The following NLRP13 variants were observed in gnomAD, a reference collection of about 807,000 sequenced individuals.
The protein encoded by NLRP13 is NLR family pyrin domain containing 13.
In NLRP13, 82 loss-of-function variants were observed where a neutral mutation model predicts 94.4. The ratio of observed to expected loss-of-function variants is 0.87; its 90% confidence interval spans 0.73 to 1.04. The LOEUF (loss-of-function observed/expected upper bound fraction) is 1.04. Among genes scored for constraint, NLRP13 ranks in the 50% least tolerant of loss-of-function variants. The probability of loss-of-function intolerance (pLI) is 0.00; values close to 1 mark genes in which losing one functional copy is unlikely to be tolerated. For missense variants in NLRP13, 1,426 were observed against 1,230.8 expected (o/e 1.16, Z -2.37); for synonymous variants, 553 against 464.7 (o/e 1.19, Z -2.45).
intron 6 of NLRP13, among the ~76,000 whole-genome samples, chr19:55,908,739 A>G (rs1412590096): frequency 2.0e-5 from 3 of 152,204 alleles, no homozygotes; most frequent in Admixed American, 6.5e-5. Flanking sequence ...ACATGGACAC[A>G]TAGTGAGGAA....
downstream of NLRP13, among the ~76,000 whole-genome samples, chr19:55,893,433 T>A (rs965806332): frequency 3.9e-5 from 6 of 152,120 alleles, no homozygotes; most frequent in African/African-American, 1.4e-4. Flanking sequence ...AACCACTGCA[T>A]TAAAAGTAAT....
chr19:55,906,718 AC>A lies in NLRP13; in HGVS notation c.2447+1073del, dbSNP rs1397413968. ...ACCTATCACAGAGGCCCCGAGACAG[AC>A]CGTTACTCTTTGAAAGAGTGATCTG... On this transcript the variant is annotated intron_variant, in intron 7 of 10. Transcript: ENST00000342929. Among the ~76,000 whole-genome samples, 15 of 150,564 alleles carry A rather than the reference AC, an allele frequency of 1.0e-4. No homozygotes were observed. In the South Asian group the frequency reaches 3.2e-3, roughly 32 times the overall value.
Position 55,907,883 on chromosome 19 carries a change from G to A in NLRP13, c.2356C>T (p.His786Tyr). 9.3e-6 allele frequency: 15 copies of A among 1,613,690 alleles called. No individual in the cohort carries two copies. The highest frequency in any genetic ancestry group is 1.3e-5 in the Non-Finnish European group (15 of 1,179,754). The stretch of plus-strand genomic sequence containing the variant: ...AGCTTGTTAGAGCTGAAGTTCAGAT[G>A]GGTCAGCTTGCTGTTACCCTGAAGG... ...IALQGNSKLT[H>Y]LNFSSNKLGM... Residue 786 changes from histidine (H) to tyrosine (Y), a missense_variant, in exon 7 of 11, where the codon CAT (histidine) becomes TAT (tyrosine). His to Tyr is a moderately conservative substitution (Grantham distance 83). Transcript: ENST00000342929.
chr19:55,898,432 G>C (rs773939816), intron 10 of NLRP13, among the ~76,000 whole-genome samples: 10 of 151,778 alleles, frequency 6.6e-5, no homozygotes, highest in Admixed American at 3.9e-4. Context: ...CTTGTCTTGA[G>C]CTCCTGACCT....
At position 55,912,104 on chromosome 19, in the gene NLRP13, T is replaced by C. The variant is rs1301442339; in HGVS notation, c.1713A>G (p.Gln571=). Reference sequence around the variant, plus strand: ...AGGCTTCTTTGTCAAGCAAGACGTGTTGCAGTAACATCTTCATCTCTTGTG... The same window carrying C: ...AGGCTTCTTTGTCAAGCAAGACGTGCTGCAGTAACATCTTCATCTCTTGTG... ...TKPQEMKMLL[Q]HVLLDKEAYW... is the part of the protein sequence containing the mutation. Residue 571 remains glutamine (Q), a synonymous_variant, in exon 5 of 11, where the codon CAA becomes CAG. Coordinates refer to ENST00000342929, the MANE Select transcript of NLRP13 (RefSeq NM_176810.2). The C allele has an allele frequency of 1.9e-6, 3 of 1,614,092 alleles. No individual in the cohort carries two copies. The African/African-American group carries it at 4.0e-5, about 22-fold the overall frequency.
rs1173352809 is a variant in NLRP13, at chr19:55,907,952, T to G, written c.2287A>C (p.Lys763Gln). The G allele has an allele frequency of 1.3e-6, 2 of 1,594,518 alleles. No individual in the cohort carries two copies. The highest frequency in any genetic ancestry group is 1.7e-6 in the Non-Finnish European group (2 of 1,167,364). ...PRCKVQKLTC[K>Q]SVTPEWVLQD... is the part of the protein sequence containing the mutation. ...AGAACCCACTCAGGAGTTACCGATT[T>G]GCACCTGAGGAAGGGAAGGGACATG... Residue 763 changes from lysine to glutamine, a missense_variant, in exon 7 of 11, where the codon AAA becomes CAA. Physicochemically the swap from Lys to Gln is moderately conservative, Grantham distance 53 (BLOSUM62 1). Transcript: ENST00000342929.
intron 8 of NLRP13, among the ~76,000 whole-genome samples, chr19:55,903,558 C>T (rs1429729967): frequency 6.6e-6 from 1 of 152,128 alleles, no homozygotes; most frequent in Non-Finnish European, 1.5e-5. Flanking sequence ...GCAGTCCTGC[C>T]TACAACGGCT....
intron 7 of NLRP13, among the ~76,000 whole-genome samples, chr19:55,907,290 G>A (rs1986381532): frequency 6.6e-6 from 1 of 150,520 alleles, no homozygotes; most frequent in African/African-American, 2.5e-5. Context: ...CCACTAGGTT[G>A]GGCCGGGCAC....
At position 55,932,146 on chromosome 19, in the gene NLRP13, G is replaced by A; in HGVS notation, c.166C>T (p.Pro56Ser). 1 of 1,614,156 alleles carries A rather than the reference G, an allele frequency of 6.2e-7. No individual in the cohort carries two copies. Among genetic ancestry groups the A allele is most frequent in the Non-Finnish European group, 8.5e-7 (1 of 1,180,040 alleles). The change falls in exon 1 of 11, where the codon CCC becomes TCC. Residue 56 changes from proline to serine, a missense_variant. By Grantham distance (74) the Pro-to-Ser change is moderately conservative. Coordinates refer to ENST00000342929, the MANE Select transcript of NLRP13 (RefSeq NM_176810.2). ...SAPQGHFPRIPWANLRAADPL... is the reference protein window; with the variant it reads ...SAPQGHFPRISWANLRAADPL... ...TCGGCAGCTCTCAAGTTTGCCCAGG[G>A]GATACGCGGGAAGTGCCCCTGGGGG...
intron 10 of NLRP13, 134 bp downstream of exon 10, chr19:55,898,636 C>T (rs983020496): frequency 7.2e-6 from 7 of 967,642 alleles, no homozygotes; most frequent in African/African-American, 6.6e-5. Flanking sequence ...TGAGCCACCA[C>T]ACCTGGGTGA....
At chr19:55,902,287 TC>T in intron 8 of NLRP13, 82 bp from the exon 9 acceptor site, 1 of 1,104,562 alleles carries the variant, frequency 9.1e-7, no homozygotes, top group Non-Finnish European at 1.2e-6. Context: ...CAGGGCCCCC[TC>T]CGAGCCTACA....
intron 9 of NLRP13, among the ~76,000 whole-genome samples, chr19:55,901,351 C>G (rs1986166584): frequency 6.6e-6 from 1 of 152,162 alleles, no homozygotes; most frequent in Non-Finnish European, 1.5e-5. Flanking sequence ...CTCAACTAGA[C>G]CTGATTGGCT....
intron 1 of NLRP13, among the ~76,000 whole-genome samples, chr19:55,931,470 A>AGGTC (rs1285519772): frequency 6.6e-6 from 1 of 151,886 alleles, no homozygotes; most frequent in Non-Finnish European, 1.5e-5. Flanking sequence ...GTGCTTTGGG[A>AGGTC]GGTCGAGGCG....
In NLRP13 at chr19:55,898,206, G is replaced by GTTTTTT. The variant is rs67273235; in HGVS notation, c.2957+563_2957+564insAAAAAA. Reference sequence around the variant, plus strand: ...ATCTAGCAGGAGAGTTTTTGTTTTTGTTTTTGTTTTTTTTTTTTTTGAGAT... The same window carrying GTTTTTT: ...ATCTAGCAGGAGAGTTTTTGTTTTTGTTTTTTTTTTTGTTTTTTTTTTTTTTGAGAT... On this transcript the variant is annotated intron_variant, in intron 10 of 10. Coordinates refer to ENST00000342929, the MANE Select transcript of NLRP13 (RefSeq NM_176810.2). 3.3e-3 allele frequency among the ~76,000 whole-genome samples: 66 copies of GTTTTTT among 20,032 alleles called. 2 individuals are homozygous for GTTTTTT. Among genetic ancestry groups the GTTTTTT allele is most frequent in the East Asian group, 0.013 (4 of 298 alleles). The allele number at this position is 20,032 out of a possible 152,430, so 13.1% of individuals were successfully genotyped here. A position where few individuals can be genotyped will look rare whatever the true frequency, so the allele number is the denominator to read the frequency against.
At chr19:55,915,592 T>TG (rs1206658636) in intron 4 of NLRP13, among the ~76,000 whole-genome samples, 2 of 152,158 alleles carry the variant, frequency 1.3e-5, no homozygotes, top group African/African-American at 4.8e-5. Flanking sequence ...GGCAAGACTC[T>TG]GTCTCAAAAA....
At chr19:55,922,215 A>G (rs1233634414) in intron 4 of NLRP13, among the ~76,000 whole-genome samples, 1 of 152,110 alleles carries the variant, frequency 6.6e-6, no homozygotes. Flanking sequence ...CCCATGACAC[A>G]TGGGAATTAT....
rs553339151 is a variant in NLRP13, at chr19:55,901,329, G to A, written c.2789+706C>T. Among the ~76,000 whole-genome samples, 4 of 152,268 alleles carry A rather than the reference G, an allele frequency of 2.6e-5. No homozygotes were observed. The South Asian group carries it at 6.2e-4, about 24-fold the overall frequency. On this transcript the variant is annotated intron_variant, in intron 9 of 10. Transcript: ENST00000342929. The stretch of plus-strand genomic sequence containing the variant: ...TGCCCTTTCCCCATTGGCTGGGGTC[G>A]GACCACACAATCTCAACTAGACCTG...
intron 4 of NLRP13, among the ~76,000 whole-genome samples, chr19:55,913,548 C>CAAAAAAAAAAAAAA (rs10530056): frequency 0.015 from 763 of 52,038 alleles, 114 homozygotes; most frequent in Non-Finnish European, 0.023. Context: ...GACTCCGTCT[C>CAAAAAAAAAAAAAA]AAAAAAAAAA....
At chr19:55,900,059 CA>C (rs1986124738) in intron 9 of NLRP13, among the ~76,000 whole-genome samples, 4 of 150,980 alleles carry the variant, frequency 2.6e-5, no homozygotes, top group Admixed American at 2.6e-4. Flanking sequence ...ATTGTCACCA[CA>C]AAAAATTGTT....
Sources: allele counts gnomAD v4.1 joint callset (sites outside exome capture counted in the v4.1 genomes callset), GRCh38; gene constraint gnomAD v4.1.1; transcripts MANE v1.5; gene names NCBI Gene and HGNC (gene_info 2026-07-23, HGNC 2026-07-21).